GARRE1: variants seen among roughly 807,000 people sequenced by gnomAD.
GARRE1 encodes granule associated Rac and RHOG effector 1, also known as granule associated Rac and RHOG effector protein 1.
Under a neutral mutation model 103.2 loss-of-function variants are expected in GARRE1, and 49 were observed. The ratio of observed to expected loss-of-function variants is 0.47; its 90% CI spans 0.38 to 0.60. The LOEUF (loss-of-function observed/expected upper bound fraction) is 0.60, where lower values mean the gene tolerates loss of function less well. Among genes scored for constraint, GARRE1 ranks in the 20% least tolerant of loss-of-function variants. The pLI, the probability that GARRE1 is intolerant of heterozygous loss-of-function variation, is 0.00. For missense variants in GARRE1, 1,199 were observed against 1,370.5 expected (o/e 0.87, Z 1.98); for synonymous variants, 505 against 532.8 (o/e 0.95, Z 0.72).
intron 3 of GARRE1, among the ~76,000 whole-genome samples, chr19:34,323,411 TC>T (rs1280564752): frequency 2.0e-5 from 3 of 152,192 alleles, no homozygotes; most frequent in Non-Finnish European, 4.4e-5. Flanking sequence ...TATTGTCCAG[TC>T]TCTAGTTTTA....
intron 2 of GARRE1, among the ~76,000 whole-genome samples, chr19:34,302,217 C>T (rs565251831): frequency 1.1e-4 from 17 of 149,226 alleles, no homozygotes; most frequent in East Asian, 7.9e-4. Context: ...GTCTCAAACT[C>T]GCAACTTCAG....
intron 1 of GARRE1, among the ~76,000 whole-genome samples, chr19:34,263,521 A>C (rs2073732828): frequency 7.0e-6 from 1 of 142,082 alleles, no homozygotes; most frequent in African/African-American, 2.6e-5. Flanking sequence ...TCTGTTGCCT[A>C]GGCTGGAGTG....
intron 8 of GARRE1, among the ~76,000 whole-genome samples, chr19:34,335,224 C>T (rs2074155753): frequency 6.6e-6 from 1 of 152,048 alleles, no homozygotes; most frequent in African/African-American, 2.4e-5. Flanking sequence ...ATATTAGAAG[C>T]CTAAAATAAG....
intron 1 of GARRE1, among the ~76,000 whole-genome samples, chr19:34,279,801 C>G (rs149783785): frequency 6.6e-6 from 1 of 151,264 alleles, no homozygotes; most frequent in African/African-American, 2.4e-5. Context: ...CCGGCTAAAA[C>G]GGTGAAACCC....
intron 1 of GARRE1, among the ~76,000 whole-genome samples, chr19:34,255,845 T>G (rs959996410): frequency 4.0e-5 from 5 of 124,738 alleles, no homozygotes; most frequent in African/African-American, 1.9e-4. Flanking sequence ...CAAAGGTAAC[T>G]TTATTTGTTT....
At position 34,338,921 on chromosome 19, in the gene GARRE1, G is replaced by A. The variant is rs75821985; in HGVS notation, c.1362-946G>A. Among the ~76,000 whole-genome samples, 565 of 152,270 alleles carry A rather than the reference G, an allele frequency of 3.7e-3. 2 individuals carry two copies. The highest frequency in any genetic ancestry group is 0.013 in the African/African-American group (534 of 41,550). ...TACAGGAGTAGAGAAAAAGAGGCCAGGTGAGAGCTTGGTCCTGAGACCCAG... is the reference window on the plus strand; with the variant it reads ...TACAGGAGTAGAGAAAAAGAGGCCAAGTGAGAGCTTGGTCCTGAGACCCAG... On this transcript the variant is annotated intron_variant, in intron 8 of 13. Transcript: ENST00000299505.
intron 2 of GARRE1, among the ~76,000 whole-genome samples, chr19:34,304,272 G>A (rs1236822780): frequency 4.0e-5 from 6 of 151,304 alleles, no homozygotes; most frequent in Non-Finnish European, 7.4e-5. Flanking sequence ...TGTATTTTTA[G>A]TAGAGACAGG....
intron 1 of GARRE1, among the ~76,000 whole-genome samples, chr19:34,280,574 TTTTTGTTGCC>T (rs2073845777): frequency 6.6e-6 from 1 of 152,192 alleles, no homozygotes; most frequent in Non-Finnish European, 1.5e-5. Context: ...GTTTATCTGT[TTTTTGTTGCC>T]TGTGCTTTTC....
chr19:34,257,842 C>G (rs1219925722), intron 1 of GARRE1, among the ~76,000 whole-genome samples: 1 of 151,702 alleles, frequency 6.6e-6, no homozygotes, highest in Non-Finnish European at 1.5e-5. Flanking sequence ...TTCTTTCTTG[C>G]TCTCGTGAAT....
At chr19:34,301,089 A>T (rs571345352) in intron 2 of GARRE1, 121 bp downstream of exon 2, 1 of 1,077,858 alleles carries the variant, frequency 9.3e-7, no homozygotes, top group South Asian at 1.6e-5. Context: ...TGCTGTTGGT[A>T]CTCTGTCTTT....
chr19:34,268,520 A>G (rs999966034), intron 1 of GARRE1, among the ~76,000 whole-genome samples: 1 of 152,052 alleles, frequency 6.6e-6, no homozygotes, highest in Non-Finnish European at 1.5e-5. Flanking sequence ...TGAGCTTTTG[A>G]CTTCATAAGA....
chr19:34,290,681 G>A (rs945851143), intron 1 of GARRE1, among the ~76,000 whole-genome samples: 12 of 151,828 alleles, frequency 7.9e-5, no homozygotes, highest in Admixed American at 7.9e-4. Context: ...TAGAGGTGGG[G>A]TCTTTCTGTG....
At chr19:34,349,779 G>C (rs942757375) in intron 12 of GARRE1, among the ~76,000 whole-genome samples, 4 of 152,204 alleles carry the variant, frequency 2.6e-5, no homozygotes, top group Non-Finnish European at 4.4e-5. Context: ...TGGGAGGCCG[G>C]GTTACTTGGT....
chr19:34,321,992 G>C (rs1179179260), intron 3 of GARRE1, among the ~76,000 whole-genome samples: 1 of 152,128 alleles, frequency 6.6e-6, no homozygotes. Context: ...TGACTAAATG[G>C]TGGGCTGCAG....
At chr19:34,291,654 C>A (rs1316778412) in intron 1 of GARRE1, among the ~76,000 whole-genome samples, 2 of 152,188 alleles carry the variant, frequency 1.3e-5, no homozygotes, top group African/African-American at 4.8e-5. Flanking sequence ...TGCCATTAAT[C>A]TATTCAGGAG....
At chr19:34,258,646 C>G (rs936309165) in intron 1 of GARRE1, among the ~76,000 whole-genome samples, 1 of 151,958 alleles carries the variant, frequency 6.6e-6, no homozygotes, top group African/African-American at 2.4e-5. Flanking sequence ...AAAAATTAGC[C>G]GGACATGGCG....
Position 34,333,677 on chromosome 19 carries a change from G to GTTTTTTTT in GARRE1, c.1264-17_1264-10dup, listed in dbSNP as rs74177138. The stretch of plus-strand genomic sequence containing the variant: ...TCTCTCTGAAAGCTGGTTGTTATTT[G>GTTTTTTTT]TTTTTTTTTTTTTTTTTCGATCTTA... On this transcript the variant is annotated intron_variant, in intron 7 of 13. Coordinates refer to ENST00000299505, the MANE Select transcript of GARRE1 (RefSeq NM_014686.5). 1,558 of 673,964 alleles carry GTTTTTTTT rather than the reference G, an allele frequency of 2.3e-3. 3 individuals are homozygous for GTTTTTTTT. Among genetic ancestry groups the GTTTTTTTT allele is most frequent in the South Asian group, 4.8e-3 (258 of 53,310 alleles). The allele number at this position is 673,964 out of a possible 1,614,324, so 41.7% of individuals were successfully genotyped here.
chr19:34,279,724 G>A lies in GARRE1; in HGVS notation c.-795-19955G>A, dbSNP rs972721471. Among the ~76,000 whole-genome samples, 8 of 152,072 alleles carry A rather than the reference G, an allele frequency of 5.3e-5. No homozygotes were observed. The East Asian group carries it at 1.2e-3, about 22-fold the overall frequency. ...TAATTGGCCGGGCGCGGTGGCTCAC[G>A]CCTGTAATCCCAGCACTTTGGGAGG... is the stretch of plus-strand genomic sequence containing the variant. On this transcript the variant is annotated intron_variant, in intron 1 of 13. Transcript: ENST00000299505.
Position 34,320,072 on chromosome 19 carries a change from C to T in GARRE1, c.661C>T (p.Pro221Ser). ...GGGLSGMGHT[P>S]EVEEAVRSWR... ...CGGCTTATCTGGCATGGGCCACACA[C>T]CTGAAGTAGAGGAAGCTGTGCGGTC... is the stretch of plus-strand genomic sequence containing the variant. The change falls in exon 3 of 14, where the codon CCT (proline) becomes TCT (serine). Residue 221 changes from proline to serine, a missense_variant. Physicochemically the swap from Pro to Ser is moderately conservative, Grantham distance 74. Transcript: ENST00000299505. 1 of 1,614,192 alleles carries T rather than the reference C, an allele frequency of 6.2e-7. No individual in the cohort carries two copies. The highest frequency in any genetic ancestry group is 2.2e-5 in the East Asian group (1 of 44,884).
Sources: gnomAD v4.1 joint callset for allele counts (sites outside exome capture counted in the v4.1 genomes callset) on GRCh38, gnomAD v4.1.1 for gene constraint, MANE v1.5 for transcripts, NCBI Gene and HGNC (gene_info 2026-07-23, HGNC 2026-07-21) for gene names.